The following HNF4G variants were observed in gnomAD, a reference collection of about 807,000 sequenced individuals.
HNF4G encodes the protein hepatocyte nuclear factor 4 gamma, also known as hepatocyte nuclear factor 4-gamma.
HNF4G carries 21 observed loss-of-function variants against 50.9 expected under a neutral mutation model. That is an observed-to-expected ratio of 0.41 (90% confidence interval 0.29 to 0.59). HNF4G has a LOEUF of 0.59. Ranked by LOEUF, HNF4G falls within the 20% of genes least tolerant of loss-of-function variation. The pLI is 0.26. For synonymous variants in HNF4G, 198 were observed against 185.6 expected, an observed-to-expected ratio of 1.07 and a Z score of -0.54; for missense variants, 527 against 559.4, an observed-to-expected ratio of 0.94 and a Z score of 0.58.
At chr8:75,481,679 G>A (rs1267976611) in intron 1 of HNF4G, among the ~76,000 whole-genome samples, 1 of 152,130 alleles carries the variant, frequency 6.6e-6, no homozygotes, top group Non-Finnish European at 1.5e-5. Context: ...GGGTGTCACA[G>A]CCTTAGTGAG....
chr8:75,525,791 A>G (rs902822854), intron 2 of HNF4G, among the ~76,000 whole-genome samples: 2 of 152,180 alleles, frequency 1.3e-5, no homozygotes, highest in African/African-American at 2.4e-5. Context: ...TTGAACTCAT[A>G]TTTCTAAATA....
At chr8:75,454,552 G>A (rs536273410) in intron 1 of HNF4G, among the ~76,000 whole-genome samples, 53 of 152,130 alleles carry the variant, frequency 3.5e-4, no homozygotes, top group Middle Eastern at 6.8e-3. Flanking sequence ...CAACCACATT[G>A]GCCTACCTGA....
upstream of HNF4G, among the ~76,000 whole-genome samples, chr8:75,536,592 A>G (rs1806471092): frequency 6.6e-6 from 1 of 152,052 alleles, no homozygotes; most frequent in South Asian, 2.1e-4. Context: ...TTTTAATGTG[A>G]ATATATATAA....
At chr8:75,520,170 A>G (rs2130743721) in intron 2 of HNF4G, among the ~76,000 whole-genome samples, 1 of 152,222 alleles carries the variant, frequency 6.6e-6, no homozygotes, top group East Asian at 1.9e-4. Flanking sequence ...CCATTGTAAA[A>G]GGTGGAAAAC....
At position 75,494,905 on chromosome 8, in the gene HNF4G, T is replaced by G. The variant is rs535795578; in HGVS notation, c.-24+4697T>G. Among the ~76,000 whole-genome samples, 64 of 152,318 alleles carry G rather than the reference T, an allele frequency of 4.2e-4. 1 individual carries two copies. The highest frequency in any genetic ancestry group is 1.5e-3 in the African/African-American group (62 of 41,592). On this transcript the variant is annotated intron_variant, in intron 2 of 10. Transcript: ENST00000354370. ...GTTTATTTAAATTGACTTTGAATTA[T>G]GACCTGCTATCTATAAGCAAGGTGA...
chr8:75,449,409 G>C (rs540689951), intron 1 of HNF4G, among the ~76,000 whole-genome samples: 1 of 151,796 alleles, frequency 6.6e-6, no homozygotes, highest in South Asian at 2.1e-4. Flanking sequence ...ACAAATTTTT[G>C]GTGTACTACA....
chr8:75,498,923 TCA>T (rs1292718825), intron 2 of HNF4G, among the ~76,000 whole-genome samples: 1 of 152,062 alleles, frequency 6.6e-6, no homozygotes, highest in African/African-American at 2.4e-5. Context: ...TATGGCAAAC[TCA>T]CATCAAACAT....
intron 5 of HNF4G, 137 bp downstream of exon 5, chr8:75,553,334 G>A (rs1807023342): frequency 2.9e-6 from 2 of 699,932 alleles, no homozygotes; most frequent in East Asian, 2.8e-5. Context: ...GAAGGATTGG[G>A]TTTCCTTACC....
At chr8:75,473,076 G>T (rs573532055) in intron 1 of HNF4G, among the ~76,000 whole-genome samples, 210 of 152,172 alleles carry the variant, frequency 1.4e-3, no homozygotes, top group African/African-American at 4.8e-3. Flanking sequence ...TTGGGAGGCC[G>T]AGGCGGGTGG....
At chr8:75,544,111 A>T in intron 2 of HNF4G, 132 bp downstream of exon 2, 1 of 725,510 alleles carries the variant, frequency 1.4e-6, no homozygotes, top group East Asian at 2.7e-5. Flanking sequence ...ACTGCGGTAC[A>T]AGTAAGAACG....
intron 1 of HNF4G, among the ~76,000 whole-genome samples, chr8:75,412,140 C>T (rs1810516716): frequency 1.3e-5 from 2 of 152,136 alleles, no homozygotes; most frequent in Admixed American, 1.3e-4. Flanking sequence ...TGTCCAAGCC[C>T]TCTAATAGGC....
intron 1 of HNF4G, among the ~76,000 whole-genome samples, chr8:75,474,901 T>C (rs1329549272): frequency 6.6e-6 from 1 of 152,126 alleles, no homozygotes; most frequent in Admixed American, 6.5e-5. Flanking sequence ...TGTCACCGTG[T>C]TGGCCAGGAT....
chr8:75,548,447 T>C (rs895048509), intron 3 of HNF4G, among the ~76,000 whole-genome samples: 1 of 152,196 alleles, frequency 6.6e-6, no homozygotes, highest in African/African-American at 2.4e-5. Context: ...AAAGCTTCAA[T>C]AGTGAACATA....
At chr8:75,410,999 T>C (rs1325993473) in intron 1 of HNF4G, among the ~76,000 whole-genome samples, 1 of 152,248 alleles carries the variant, frequency 6.6e-6, no homozygotes, top group Admixed American at 6.5e-5. Context: ...GCAATTTATA[T>C]GCCTTTTGCT....
intron 1 of HNF4G, among the ~76,000 whole-genome samples, chr8:75,423,413 G>A (rs1056657954): frequency 7.6e-5 from 11 of 145,616 alleles, no homozygotes; most frequent in Non-Finnish European, 1.3e-4. Context: ...GATCTGGGGC[G>A]ATCTTGGTGC....
chr8:75,462,677 A>G (rs950916752), intron 1 of HNF4G, among the ~76,000 whole-genome samples: 6 of 152,220 alleles, frequency 3.9e-5, no homozygotes, highest in Non-Finnish European at 7.3e-5. Flanking sequence ...CACAGAGATT[A>G]ATGATCACTA....
At chr8:75,532,526 A>G (rs1022657495) in intron 2 of HNF4G, among the ~76,000 whole-genome samples, 2 of 152,034 alleles carry the variant, frequency 1.3e-5, no homozygotes, top group Admixed American at 6.6e-5. Context: ...ACCACATTGA[A>G]TCATGCTTCC....
intron 1 of HNF4G, among the ~76,000 whole-genome samples, chr8:75,429,975 C>A (rs1810969415): frequency 6.6e-6 from 1 of 151,818 alleles, no homozygotes; most frequent in Admixed American, 6.6e-5. Flanking sequence ...CACAGTGAAA[C>A]CTCGTCTCTA....
intron 3 of HNF4G, among the ~76,000 whole-genome samples, chr8:75,549,652 A>C (rs1263210225): frequency 1.3e-5 from 2 of 151,110 alleles, no homozygotes. Flanking sequence ...GTACATGTGC[A>C]CAACATGCAG....
Sources: gnomAD v4.1 joint callset for allele counts (sites outside exome capture counted in the v4.1 genomes callset) on GRCh38, gnomAD v4.1.1 for gene constraint, MANE v1.5 for transcripts, NCBI Gene and HGNC (gene_info 2026-07-23, HGNC 2026-07-21) for gene names.